BCL2L13: variants seen among roughly 807,000 people sequenced by gnomAD.
BCL2L13 encodes the protein bcl-2-like protein 13.
A neutral mutation model predicts 25.8 loss-of-function variants in BCL2L13; 13 were observed. The observed-to-expected ratio is 0.50, with a 90% CI of 0.33 to 0.80. BCL2L13 has a LOEUF of 0.80. Among genes scored for constraint, BCL2L13 ranks in the 30% least tolerant of loss-of-function variants. BCL2L13 has a pLI of 0.02. For missense variants in BCL2L13, 504 were observed against 574.9 expected, an observed-to-expected ratio of 0.88 and a Z score of 1.26; for synonymous variants, 244 against 230.3, an observed-to-expected ratio of 1.06 and a Z score of -0.54.
rs112775651 is a variant in BCL2L13, at chr22:17,639,341, A to G, written c.-51+455A>G. Among the ~76,000 whole-genome samples, 267 of 152,386 alleles carry G rather than the reference A, an allele frequency of 1.8e-3. 2 individuals are homozygous for G. The highest frequency in any genetic ancestry group is 5.8e-3 in the African/African-American group (243 of 41,594). The stretch of plus-strand genomic sequence containing the variant: ...TAGTCGTTTCTTCTCAGAGATTGTT[A>G]GAAGTCTTGTTTCTTAACCTTAATT... On this transcript the variant is annotated intron_variant, in intron 1 of 6. Transcript: ENST00000317582.
intron 5 of BCL2L13, among the ~76,000 whole-genome samples, chr22:17,696,541 C>T (rs1416279903): frequency 6.6e-6 from 1 of 152,092 alleles, no homozygotes; most frequent in Non-Finnish European, 1.5e-5. Flanking sequence ...AAAAAGAATA[C>T]AGACTTTACT....
intron 6 of BCL2L13, among the ~76,000 whole-genome samples, chr22:17,724,971 C>T (rs2061255234): frequency 1.3e-5 from 2 of 152,192 alleles, no homozygotes; most frequent in Non-Finnish European, 2.9e-5. Context: ...CTAGTAAATT[C>T]TGTAAGAATA....
At chr22:17,674,790 T>C (rs1418650485) in intron 2 of BCL2L13, among the ~76,000 whole-genome samples, 1 of 152,050 alleles carries the variant, frequency 6.6e-6, no homozygotes, top group Non-Finnish European at 1.5e-5. Flanking sequence ...CTGGCTTGTT[T>C]TGTTAGATAG....
At chr22:17,653,522 CAG>C (rs928010898) in intron 1 of BCL2L13, among the ~76,000 whole-genome samples, 3 of 124,322 alleles carry the variant, frequency 2.4e-5, no homozygotes, top group Non-Finnish European at 4.9e-5. Flanking sequence ...TTTTTTGAGA[CAG>C]GGTCTTGCTT....
chr22:17,687,624 C>T (rs1277623208), intron 3 of BCL2L13, among the ~76,000 whole-genome samples: 2 of 152,110 alleles, frequency 1.3e-5, no homozygotes, highest in African/African-American at 4.8e-5. Context: ...TCACACCATT[C>T]TCCTGCCTCA....
In BCL2L13 at chr22:17,727,504, C is replaced by T. The variant is rs769024344; in HGVS notation, c.1428C>T (p.Ile476=). 2.2e-5 allele frequency: 35 copies of T among 1,614,182 alleles called. No homozygotes were observed. Among genetic ancestry groups the T allele is most frequent in the East Asian group, 1.3e-4 (6 of 44,874 alleles). ...AAAVAILAVA[I]GVALALRKK ...CTGTTGCCATCCTGGCAGTGGCCAT[C>T]GGGGTAGCCCTGGCTCTGAGAAAGA... is the stretch of plus-strand genomic sequence containing the variant. Residue 476 remains isoleucine (I), a synonymous_variant, in exon 7 of 7, where the codon ATC becomes ATT. Coordinates refer to ENST00000317582, the MANE Select transcript of BCL2L13 (RefSeq NM_015367.4).
At chr22:17,693,366 G>GT (rs2060163186) in intron 4 of BCL2L13, among the ~76,000 whole-genome samples, 3 of 58,642 alleles carry the variant, frequency 5.1e-5, no homozygotes, top group African/African-American at 2.2e-4. Context: ...TATTTATTTA[G>GT]TGTTTGTTTT....
rs1450805099 is a variant in BCL2L13 at position 17,655,223 on chromosome 22, T to C, written c.-50-439T>C. ...CAGTCTTCAGAGGCAGTAACACCCA[T>C]GGAGTTGACATTTCCAGTAACAATG... is the stretch of plus-strand genomic sequence containing the variant. On this transcript the variant is annotated intron_variant, in intron 1 of 6. Coordinates refer to ENST00000317582, the MANE Select transcript of BCL2L13 (RefSeq NM_015367.4). 3.3e-5 allele frequency among the ~76,000 whole-genome samples: 5 copies of C among 151,914 alleles called. No homozygotes were observed. In the East Asian group the frequency reaches 9.7e-4, roughly 30 times the overall value.
At chr22:17,672,720 T>C (rs1189199425) in intron 2 of BCL2L13, among the ~76,000 whole-genome samples, 1 of 152,214 alleles carries the variant, frequency 6.6e-6, no homozygotes, top group Non-Finnish European at 1.5e-5. Context: ...TATGACAACT[T>C]GTCATGTGTA....
At chr22:17,637,985 C>T (rs2058141795), upstream of BCL2L13, 1 of 152,232 alleles carries the variant, frequency 6.6e-6, no homozygotes, top group Non-Finnish European at 1.5e-5. Context: ...GATTTTATCA[C>T]TTCTGATCTG....
chr22:17,663,456 C>T (rs894469479), intron 2 of BCL2L13, among the ~76,000 whole-genome samples: 11 of 152,064 alleles, frequency 7.2e-5, no homozygotes, highest in Non-Finnish European at 1.2e-4. Context: ...AAACATCATG[C>T]GATACCAAAT....
At chr22:17,699,080 C>A (rs2060355792) in intron 5 of BCL2L13, among the ~76,000 whole-genome samples, 2 of 152,216 alleles carry the variant, frequency 1.3e-5, no homozygotes, top group Admixed American at 1.3e-4. Context: ...CAGGTTCAAT[C>A]TTTTTGGCAA....
upstream of BCL2L13, among the ~76,000 whole-genome samples, chr22:17,635,372 C>CT (rs1185698504): frequency 1.3e-5 from 2 of 152,116 alleles, no homozygotes; most frequent in Non-Finnish European, 2.9e-5. Context: ...CCCATCTCTA[C>CT]TAAAACAAAA....
intron 1 of BCL2L13, 81 bp from the exon 2 acceptor site, chr22:17,655,581 A>G: frequency 1.7e-6 from 2 of 1,174,116 alleles, no homozygotes; most frequent in South Asian, 1.7e-5. Flanking sequence ...AAAGAGTTGC[A>G]CAAGACATTT....
chr22:17,681,274 A>T (rs1377729314), intron 2 of BCL2L13, among the ~76,000 whole-genome samples: 1 of 152,110 alleles, frequency 6.6e-6, no homozygotes, highest in Non-Finnish European at 1.5e-5. Context: ...TGGGAGGCCG[A>T]GGCAGGTGGA....
intron 2 of BCL2L13, among the ~76,000 whole-genome samples, chr22:17,670,698 CA>C (rs1487125268): frequency 6.6e-6 from 1 of 152,108 alleles, no homozygotes; most frequent in Non-Finnish European, 1.5e-5. Context: ...TTGTATAACC[CA>C]ATTTGAAATT....
In BCL2L13 at chr22:17,655,745, C is replaced by T; in HGVS notation, c.34C>T (p.His12Tyr). 6.2e-7 allele frequency: 1 copy of T among 1,613,558 alleles called. No individual in the cohort carries two copies. Residue 12 changes from histidine (H) to tyrosine (Y), a missense_variant, in exon 2 of 7, where the codon CAC becomes TAC. Coordinates refer to ENST00000317582, the MANE Select transcript of BCL2L13 (RefSeq NM_015367.4). ...CTCTTCTACTGTGCCTCTGGGATTT[C>T]ACTATGAAACAAAGTATGTTGTTCT... Reference protein sequence around the residue: ...ASSSTVPLGFHYETKYVVLSY... With the variant: ...ASSSTVPLGFYYETKYVVLSY...
Position 17,702,260 on chromosome 22 carries a change from T to C in BCL2L13, c.474T>C (p.Val158=), listed in dbSNP as rs746028693. The C allele has an allele frequency of 1.2e-6, 2 of 1,605,882 alleles. No homozygotes were observed. The highest frequency in any genetic ancestry group is 1.3e-5 in the African/African-American group (1 of 74,442). ...CATTGAAGATTTTGGTGCCTCTGGTTTTGCTACGACAAATGCTTTTGGAAT... is the reference window on the plus strand; with the variant it reads ...CATTGAAGATTTTGGTGCCTCTGGTCTTGCTACGACAAATGCTTTTGGAAT... ...SGWNKILVPL[V]LLRQMLLELT... is the part of the protein sequence containing the mutation. Residue 158 remains valine, a synonymous_variant, in exon 6 of 7, where the codon GTT becomes GTC. Coordinates refer to ENST00000317582, the MANE Select transcript of BCL2L13 (RefSeq NM_015367.4).
chr22:17,702,605 A>G (rs773688810), intron 6 of BCL2L13: 2 of 385,550 alleles, frequency 5.2e-6, no homozygotes, highest in Non-Finnish European at 9.1e-6. Context: ...GGTGCCCACC[A>G]CTGTGCCGTG....
Sources: gnomAD v4.1 joint callset for allele counts (sites outside exome capture counted in the v4.1 genomes callset) on GRCh38, gnomAD v4.1.1 for gene constraint, MANE v1.5 for transcripts, NCBI Gene and HGNC (gene_info 2026-07-23, HGNC 2026-07-21) for gene names.